THOP1: variants seen among roughly 807,000 people sequenced by gnomAD.
The protein encoded by THOP1 is thimet oligopeptidase 1.
Under a neutral mutation model 71.8 loss-of-function variants are expected in THOP1, and 49 were observed. The observed-to-expected ratio is 0.68, with a 90% confidence interval of 0.54 to 0.87. The LOEUF (loss-of-function observed/expected upper bound fraction) is 0.87, where lower values mean the gene tolerates loss of function less well. Among genes scored for constraint, THOP1 ranks in the 40% least tolerant of loss-of-function variants. THOP1 has a pLI of 0.00. For missense variants in THOP1, 843 were observed against 975.6 expected, an observed-to-expected ratio of 0.86 and a Z score of 1.81; for synonymous variants, 426 against 421.5, an observed-to-expected ratio of 1.01 and a Z score of -0.13.
At chr19:2,806,463 G>A (rs531026767) in intron 6 of THOP1, 9 of 201,554 alleles carry the variant, frequency 4.5e-5, no homozygotes, top group Admixed American at 4.3e-4. Context: ...GTTTCTCCTC[G>A]TAAACGCCTC....
At position 2,790,573 on chromosome 19, in the gene THOP1, G is replaced by C. The variant is rs772805826; in HGVS notation, c.169G>C (p.Glu57Gln). 2 of 1,606,666 alleles carry C rather than the reference G, an allele frequency of 1.2e-6. No homozygotes were observed. The highest frequency in any genetic ancestry group is 2.7e-5 in the African/African-American group (2 of 74,756). The change falls in exon 2 of 13, where the codon GAG (glutamate) becomes CAG (glutamine). Residue 57 changes from glutamate (E) to glutamine (Q), a missense_variant. Glu to Gln is a conservative substitution (Grantham distance 29). Transcript: ENST00000307741. The stretch of plus-strand genomic sequence containing the variant: ...TGACCAGGTTGGCACCCAGGAGTTT[G>C]AGGACGTGTCCTACGAGAGCACGCT... ...VYDQVGTQEF[E>Q]DVSYESTLKA... is the part of the protein sequence containing the mutation.
chr19:2,793,644 T>C (rs1289085765), intron 2 of THOP1, among the ~76,000 whole-genome samples: 5 of 152,048 alleles, frequency 3.3e-5, no homozygotes, highest in Admixed American at 3.3e-4. Context: ...GAGCCGAGAC[T>C]GCACCACTGC....
At chr19:2,790,134 G>T (rs372402543) in intron 1 of THOP1, among the ~76,000 whole-genome samples, 12 of 152,274 alleles carry the variant, frequency 7.9e-5, no homozygotes, top group African/African-American at 2.9e-4. Flanking sequence ...TCACTGCAGG[G>T]TACTAAGCAG....
rs1457047971 is a variant in THOP1 at position 2,808,457 on chromosome 19, CCGGGCA to C, written c.1455+14_1455+19del. The C allele has an allele frequency of 6.3e-7, 1 of 1,586,628 alleles. No individual in the cohort carries two copies. The highest frequency in any genetic ancestry group is 8.6e-7 in the Non-Finnish European group (1 of 1,162,526). On this transcript the variant is annotated intron_variant, in intron 9 of 12. Coordinates refer to ENST00000307741, the MANE Select transcript of THOP1 (RefSeq NM_003249.5). ...GCTCTGCTCCCAGGTGGGTGCGGGC[CCGGGCA>C]GGGGCAGGGGCAGGGGCAGGGGCAG...
chr19:2,811,334 A>C (rs1043188424), intron 11 of THOP1, among the ~76,000 whole-genome samples: 3 of 152,208 alleles, frequency 2.0e-5, no homozygotes, highest in Admixed American at 1.3e-4. Flanking sequence ...ACGCAGTCTC[A>C]AAATGGGGAC....
intron 5 of THOP1, among the ~76,000 whole-genome samples, chr19:2,802,229 A>G (rs1916162062): frequency 7.1e-6 from 1 of 141,106 alleles, no homozygotes; most frequent in Non-Finnish European, 1.5e-5. Flanking sequence ...CCACCTCCTG[A>G]CCCACCCACC....
chr19:2,803,290 ATT>A (rs995964506), intron 5 of THOP1, among the ~76,000 whole-genome samples: 2 of 152,162 alleles, frequency 1.3e-5, no homozygotes, highest in Non-Finnish European at 2.9e-5. Context: ...ACACTCTTCT[ATT>A]CTGTGTCTGT....
chr19:2,807,989 C>T (rs1916352610), intron 8 of THOP1, 181 bp downstream of exon 8: 1 of 819,278 alleles, frequency 1.2e-6, no homozygotes, highest in South Asian at 2.0e-5. Flanking sequence ...TCCCCGTTTC[C>T]AGTCTCACTC....
At chr19:2,807,829 CG>C in intron 8 of THOP1, 21 bp downstream of exon 8, 7 of 1,441,388 alleles carry the variant, frequency 4.9e-6, no homozygotes, top group African/African-American at 2.9e-5. Flanking sequence ...GCAGCGGGGG[CG>C]GGGGGCGCAC....
chr19:2,797,055 C>A (rs573090097), intron 4 of THOP1, among the ~76,000 whole-genome samples: 282 of 152,282 alleles, frequency 1.9e-3, no homozygotes, highest in Non-Finnish European at 3.3e-3. Flanking sequence ...ACTGGCAGCT[C>A]GCCACATGGG....
intron 11 of THOP1, 131 bp from the exon 12 acceptor site, chr19:2,811,467 G>A (rs2144785464): frequency 7.8e-7 from 1 of 1,273,984 alleles, no homozygotes; most frequent in East Asian, 2.7e-5. Context: ...GCTGGTCTCG[G>A]CCCTCACCGT....
rs760273896 is a variant in THOP1, at chr19:2,810,467, T to C, written c.1619T>C (p.Ile540Thr). Reference sequence around the variant, plus strand: ...CCCCGGGAGCTCCTGGAGAAGCTCATTGAGTCCCGGCAGGCCAACACAGGT... The same window carrying C: ...CCCCGGGAGCTCCTGGAGAAGCTCACTGAGTCCCGGCAGGCCAACACAGGT... Reference protein sequence around the residue: ...AVPRELLEKLIESRQANTGLF... With the variant: ...AVPRELLEKLTESRQANTGLF... Residue 540 changes from isoleucine to threonine, a missense_variant, in exon 10 of 13, where the codon ATT becomes ACT. Coordinates refer to ENST00000307741, the MANE Select transcript of THOP1 (RefSeq NM_003249.5). The C allele has an allele frequency of 1.4e-5, 22 of 1,569,440 alleles. No individual in the cohort carries two copies. The highest frequency in any genetic ancestry group is 9.3e-5 in the South Asian group (8 of 86,280).
At chr19:2,807,994 T>C in intron 8 of THOP1, 186 bp downstream of exon 8, 1 of 806,728 alleles carries the variant, frequency 1.2e-6, no homozygotes, top group Non-Finnish European at 1.9e-6. Flanking sequence ...GTTTCCAGTC[T>C]CACTCAGCCA....
chr19:2,805,150 G>C lies in THOP1; in HGVS notation c.724G>C (p.Glu242Gln). 6.2e-7 allele frequency: 1 copy of C among 1,612,446 alleles called. No homozygotes were observed. The highest frequency in any genetic ancestry group is 8.5e-7 in the Non-Finnish European group (1 of 1,179,754). The change falls in exon 6 of 13, where the codon GAG becomes CAG. Residue 242 changes from glutamate to glutamine, a missense_variant. Glu to Gln is a conservative substitution (Grantham distance 29). Transcript: ENST00000307741. The surrounding 1 kb of genome is among the most constrained non-coding windows in gnomAD (Gnocchi z 6.6). ...GCCTGAGACCAGGAGGAAAGTGGAG[G>C]AGGCCTTCAACTGCCGGTGCAAGGA... ...HVPETRRKVE[E>Q]AFNCRCKEEN...
rs768527086 is a variant in THOP1, at chr19:2,808,331, A to G, written c.1342A>G (p.Met448Val). The change falls in exon 9 of 13, where the codon ATG becomes GTG. Residue 448 changes from methionine to valine, a missense_variant. Transcript: ENST00000307741. ...DGSRQIAIAAMVANFTKPTAD... is the reference protein window; with the variant it reads ...DGSRQIAIAAVVANFTKPTAD... Reference sequence around the variant, plus strand: ...GAGCCGCCAGATCGCCATCGCGGCCATGGTGGCCAACTTCACCAAGCCCAC... The same window carrying G: ...GAGCCGCCAGATCGCCATCGCGGCCGTGGTGGCCAACTTCACCAAGCCCAC... 6.2e-6 allele frequency: 10 copies of G among 1,602,482 alleles called. No homozygotes were observed. Among genetic ancestry groups the G allele is most frequent in the Non-Finnish European group, 8.5e-6 (10 of 1,174,974 alleles).
chr19:2,802,304 T>C (rs1412281571), intron 5 of THOP1, among the ~76,000 whole-genome samples: 1 of 72,000 alleles, frequency 1.4e-5, no homozygotes. Context: ...TACCAACACC[T>C]CCCGACACCC....
Position 2,814,110 on chromosome 19 carries a change from TG to T in THOP1, c.*838del, listed in dbSNP as rs964022439. The T allele has an allele frequency of 6.6e-6, 1 of 152,502 alleles. No homozygotes were observed. The highest frequency in any genetic ancestry group is 1.5e-5 in the Non-Finnish European group (1 of 68,316). The allele number at this position is 152,502 out of a possible 1,614,324, so 9.4% of individuals were successfully genotyped here. ...GCCATGGCCCTCATCCTCATGGCCT[TG>T]GGGACTGCCTGTGCCTGCCCTCCCT... On this transcript the variant is annotated 3_prime_UTR_variant, in exon 13 of 13. Coordinates refer to ENST00000307741, the MANE Select transcript of THOP1 (RefSeq NM_003249.5).
intron 12 of THOP1, chr19:2,812,052 C>A: frequency 8.6e-7 from 1 of 1,157,394 alleles, no homozygotes; most frequent in Non-Finnish European, 1.2e-6. Context: ...CCCCTCAGGC[C>A]TCGGGCTGTG....
rs370906645 is a variant in THOP1 at position 2,799,800 on chromosome 19, C to T, written c.589+9C>T. ...CACGCTCCAGGAGCTAGGTAGGGGC[C>T]GAGCAGTGGGGCACGGGTGGCCATC... On this transcript the variant is annotated intron_variant, in intron 5 of 12. Coordinates refer to ENST00000307741, the MANE Select transcript of THOP1 (RefSeq NM_003249.5). 1.4e-5 allele frequency: 23 copies of T among 1,611,784 alleles called. No individual in the cohort carries two copies. Among genetic ancestry groups the T allele is most frequent in the Non-Finnish European group, 1.9e-5 (22 of 1,178,516 alleles).
Sources: allele counts gnomAD v4.1 joint callset (sites outside exome capture counted in the v4.1 genomes callset), GRCh38; gene constraint gnomAD v4.1.1; non-coding constraint Gnocchi (gnomAD v3.1); transcripts MANE v1.5; gene names NCBI Gene and HGNC (gene_info 2026-07-23, HGNC 2026-07-21).